Variants in EPHA5 observed in about 807,000 individuals in gnomAD.
EPHA5 encodes ephrin type-A receptor 5.
Under a neutral mutation model 105.0 loss-of-function variants are expected in EPHA5, and 60 were observed. The ratio of observed to expected loss-of-function variants is 0.57; its 90% CI spans 0.46 to 0.71. The LOEUF (loss-of-function observed/expected upper bound fraction) is 0.71. EPHA5 is among the 30% of genes least tolerant of loss of function. EPHA5 has a pLI of 0.00. For missense variants in EPHA5, 1,218 were observed against 1,274.7 expected (o/e 0.96, Z 0.68); for synonymous variants, 513 against 449.1 (o/e 1.14, Z -1.80).
chr4:65,369,561 T>C (rs1327154302), intron 8 of EPHA5, among the ~76,000 whole-genome samples: 3 of 152,174 alleles, frequency 2.0e-5, no homozygotes, highest in Non-Finnish European at 4.4e-5. Flanking sequence ...ATTTAAAATA[T>C]ATGTATATTT....
At chr4:65,602,769 A>C (rs1743864273) in intron 2 of EPHA5, among the ~76,000 whole-genome samples, 1 of 152,210 alleles carries the variant, frequency 6.6e-6, no homozygotes, top group Non-Finnish European at 1.5e-5. Context: ...TTGAAAAAGA[A>C]GGGAGAAAAA....
chr4:65,319,679 G>A lies in EPHA5; in HGVS notation c.*4435C>T, dbSNP rs1719485329. ...AAAGATTCAAATGAGAAAAAATACAGAAATCCTAATCCTTCTTTGAATTAA... is the reference window on the plus strand; with the variant it reads ...AAAGATTCAAATGAGAAAAAATACAAAAATCCTAATCCTTCTTTGAATTAA... On this transcript the variant is annotated 3_prime_UTR_variant, in exon 17 of 17. Coordinates refer to ENST00000613740, the MANE Select transcript of EPHA5 (RefSeq NM_001281766.3). The A allele has an allele frequency of 4.5e-6, 1 of 224,154 alleles. No individual in the cohort carries two copies. The highest frequency in any genetic ancestry group is 5.7e-5 in the Admixed American group (1 of 17,452). 13.9% of individuals were successfully genotyped at this position (224,154 alleles called of 1,614,324 possible).
At chr4:65,625,500 A>G (rs1167061892) in intron 2 of EPHA5, among the ~76,000 whole-genome samples, 1 of 152,222 alleles carries the variant, frequency 6.6e-6, no homozygotes, top group East Asian at 1.9e-4. Flanking sequence ...ATCACATTCA[A>G]GAATAAGATA....
At chr4:65,409,010 TAA>T (rs34846948) in intron 7 of EPHA5, among the ~76,000 whole-genome samples, 1 of 147,014 alleles carries the variant, frequency 6.8e-6, no homozygotes, top group African/African-American at 2.5e-5. Flanking sequence ...TATGCAGCCA[TAA>T]AAAAAGGATG....
intron 3 of EPHA5, among the ~76,000 whole-genome samples, chr4:65,576,046 GAAAGAAAGAAA>G (rs1740919950): frequency 3.5e-5 from 2 of 56,968 alleles, no homozygotes; most frequent in African/African-American, 1.2e-4. Context: ...AAGAAAGAAA[GAAAGAAAGAAA>G]GAAAAGAAAA....
At chr4:65,667,817 T>A (rs1750082693) in intron 1 of EPHA5, among the ~76,000 whole-genome samples, 1 of 152,090 alleles carries the variant, frequency 6.6e-6, no homozygotes, top group Non-Finnish European at 1.5e-5. Flanking sequence ...GGACTTGAAA[T>A]CTAACGGAAA....
chr4:65,420,536 C>CT lies in EPHA5; in HGVS notation c.1431dup (p.Gly478ArgfsTer26). On this transcript the variant is annotated frameshift_variant, in exon 6 of 17. Transcript: ENST00000613740. LOFTEE classifies it high-confidence loss of function. ...GAGATGCTGTTTTTTGCAATTTTCC[C>CT]TTTTTTCACATTGGTGACTGGAGAT... The CT allele has an allele frequency of 6.2e-7, 1 of 1,612,700 alleles. No homozygotes were observed. The highest frequency in any genetic ancestry group is 8.5e-7 in the Non-Finnish European group (1 of 1,179,382).
chr4:65,551,083 T>C (rs1029058446), intron 3 of EPHA5, among the ~76,000 whole-genome samples: 3 of 151,962 alleles, frequency 2.0e-5, no homozygotes, highest in Admixed American at 6.6e-5. Context: ...CACACGTATG[T>C]ATATTCACAT....
chr4:65,371,088 CT>C (rs996497936), intron 8 of EPHA5, among the ~76,000 whole-genome samples: 6 of 151,876 alleles, frequency 4.0e-5, no homozygotes, highest in Non-Finnish European at 8.8e-5. Context: ...GAAATGATGT[CT>C]TTTTTTTCTG....
intron 3 of EPHA5, among the ~76,000 whole-genome samples, chr4:65,545,567 A>G (rs1225826984): frequency 6.6e-6 from 1 of 151,932 alleles, no homozygotes; most frequent in African/African-American, 2.4e-5. Context: ...TACTAGTACA[A>G]TGAATTGACA....
chr4:65,499,918 G>A (rs371833147), intron 3 of EPHA5, among the ~76,000 whole-genome samples: 5 of 150,542 alleles, frequency 3.3e-5, no homozygotes, highest in African/African-American at 1.2e-4. Flanking sequence ...GATATAATTC[G>A]TTTTTTGAGT....
chr4:65,665,167 G>C (rs765893602), intron 1 of EPHA5, among the ~76,000 whole-genome samples: 1 of 151,844 alleles, frequency 6.6e-6, no homozygotes, highest in African/African-American at 2.4e-5. Flanking sequence ...AACAGCTATA[G>C]TTAGCTAATA....
At chr4:65,471,842 G>A (rs1356188975) in intron 5 of EPHA5, among the ~76,000 whole-genome samples, 5 of 152,138 alleles carry the variant, frequency 3.3e-5, no homozygotes, top group Middle Eastern at 3.4e-3. Context: ...ATGAGATTTC[G>A]GTGGGAACAC....
At chr4:65,421,046 G>T (rs1383612360) in intron 5 of EPHA5, among the ~76,000 whole-genome samples, 2 of 151,882 alleles carry the variant, frequency 1.3e-5, no homozygotes, top group African/African-American at 2.4e-5. Context: ...ACATGGGCAG[G>T]TTCCTTAAGA....
chr4:65,452,036 G>A (rs1727117217), intron 5 of EPHA5, among the ~76,000 whole-genome samples: 1 of 152,150 alleles, frequency 6.6e-6, no homozygotes, highest in African/African-American at 2.4e-5. Context: ...GATGAAGTTT[G>A]GGCAGGTGGG....
chr4:65,538,666 T>C (rs1736528803), intron 3 of EPHA5, among the ~76,000 whole-genome samples: 1 of 151,664 alleles, frequency 6.6e-6, no homozygotes, highest in Non-Finnish European at 1.5e-5. Context: ...TTCTTAATAA[T>C]AGGACTTCCT....
chr4:65,372,104 T>G (rs995505825), intron 8 of EPHA5, among the ~76,000 whole-genome samples: 3 of 152,016 alleles, frequency 2.0e-5, no homozygotes, highest in Non-Finnish European at 4.4e-5. Context: ...CACACTCACG[T>G]GTTCTGACAT....
intron 3 of EPHA5, among the ~76,000 whole-genome samples, chr4:65,565,910 C>T (rs981238615): frequency 5.3e-5 from 8 of 151,584 alleles, no homozygotes; most frequent in Non-Finnish European, 1.2e-4. Context: ...GAGACTATTT[C>T]TATCTCATTT....
intron 8 of EPHA5, among the ~76,000 whole-genome samples, chr4:65,383,985 T>A (rs1719840633): frequency 6.6e-6 from 1 of 151,928 alleles, no homozygotes; most frequent in Non-Finnish European, 1.5e-5. Flanking sequence ...CTTGCATGTG[T>A]ATGATGTGCA....
Sources: allele counts gnomAD v4.1 joint callset (sites outside exome capture counted in the v4.1 genomes callset), GRCh38; gene constraint gnomAD v4.1.1; transcripts MANE v1.5; gene names NCBI Gene and HGNC (gene_info 2026-07-23, HGNC 2026-07-21).